ABL2: variants seen among roughly 807,000 people sequenced by gnomAD.
ABL2 encodes ABL proto-oncogene 2, non-receptor tyrosine kinase.
A neutral mutation model predicts 107.7 loss-of-function variants in ABL2; 49 were observed. The ratio of observed to expected loss-of-function variants is 0.45; its 90% CI spans 0.36 to 0.58. The LOEUF is 0.58. Among genes scored for constraint, ABL2 ranks in the 20% least tolerant of loss-of-function variants. The pLI is 0.00. For missense variants in ABL2, 1,245 were observed against 1,457.0 expected (o/e 0.85, Z 2.37); for synonymous variants, 549 against 548.6 (o/e 1.00, Z -0.01).
At chr1:179,173,234 A>T (rs922373987) in intron 1 of ABL2, among the ~76,000 whole-genome samples, 1 of 151,798 alleles carries the variant, frequency 6.6e-6, no homozygotes, top group Non-Finnish European at 1.5e-5. Flanking sequence ...AAGTTAACAG[A>T]AAAGTCTTCA....
intron 1 of ABL2, among the ~76,000 whole-genome samples, chr1:179,180,326 A>T (rs1050794087): frequency 6.6e-6 from 1 of 151,830 alleles, no homozygotes; most frequent in Non-Finnish European, 1.5e-5. Flanking sequence ...GAAATCAATA[A>T]AAGCTGGTAA....
At chr1:179,140,594 A>T (rs551173636) in intron 1 of ABL2, among the ~76,000 whole-genome samples, 1 of 152,378 alleles carries the variant, frequency 6.6e-6, no homozygotes, top group East Asian at 1.9e-4. Context: ...GTGTCTACAT[A>T]TAAGAGGCTC....
chr1:179,144,626 T>C (rs1015233987), intron 1 of ABL2, among the ~76,000 whole-genome samples: 2 of 151,966 alleles, frequency 1.3e-5, no homozygotes, highest in Non-Finnish European at 1.5e-5. Context: ...TTAGAGAAAA[T>C]TGAAAAATAA....
chr1:179,119,894 G>A (rs3753532), intron 6 of ABL2, among the ~76,000 whole-genome samples: 9,884 of 152,164 alleles, frequency 0.065, 441 homozygotes, highest in Non-Finnish European at 0.089. Context: ...TTTAAACACA[G>A]AACCTACTGA....
chr1:179,187,707 C>T (rs1485231333), intron 1 of ABL2, among the ~76,000 whole-genome samples: 1 of 152,026 alleles, frequency 6.6e-6, no homozygotes, highest in South Asian at 2.1e-4. Flanking sequence ...ACCTCCATTC[C>T]TCAAGGGGTA....
intron 1 of ABL2, among the ~76,000 whole-genome samples, chr1:179,219,382 A>G (rs1035985500): frequency 6.6e-6 from 1 of 152,206 alleles, no homozygotes; most frequent in African/African-American, 2.4e-5. Flanking sequence ...ATCCAGAGGT[A>G]AAAATAACAC....
rs139985501 is a variant in ABL2 at position 179,110,920 on chromosome 1, T to C, written c.1652-465A>G. ...ACCTGTCCCCAAATAGCGATACTAT[T>C]TTGCATGAAAGCTGTGGTTACTCTG... On this transcript the variant is annotated intron_variant, in intron 10 of 11. Transcript: ENST00000502732. 5,899 of 1,596,820 alleles carry C rather than the reference T, an allele frequency of 3.7e-3. 25 individuals are homozygous for C. Among genetic ancestry groups the C allele is most frequent in the Non-Finnish European group, 4.6e-3 (5,376 of 1,165,684 alleles).
At chr1:179,165,246 A>G (rs1233120226) in intron 1 of ABL2, among the ~76,000 whole-genome samples, 1 of 152,238 alleles carries the variant, frequency 6.6e-6, no homozygotes, top group African/African-American at 2.4e-5. Flanking sequence ...CTGTAACAGG[A>G]ACCAGGTATA....
Position 179,108,987 on chromosome 1 carries a change from TG to T in ABL2, c.2279del (p.Thr760AsnfsTer40). ...TGGGTTTACCTGCTCGTAAGCCCAG[TG>T]TCTTTTTGATTAAGCGTGGTGTAAA... ...GFFTPRLIKK[T>X]LGLRAGKPTA... On this transcript the variant is annotated frameshift_variant, in exon 12 of 12. Transcript: ENST00000502732. LOFTEE classifies it high-confidence loss of function. 6.2e-7 allele frequency: 1 copy of T among 1,614,076 alleles called. No homozygotes were observed. The highest frequency in any genetic ancestry group is 8.5e-7 in the Non-Finnish European group (1 of 1,180,024).
chr1:179,109,458 G>T lies in ABL2; in HGVS notation c.1826-17C>A. On this transcript the variant is annotated splice_polypyrimidine_tract_variant and intron_variant, in intron 11 of 11. Coordinates refer to ENST00000502732, the MANE Select transcript of ABL2 (RefSeq NM_007314.4). ...TGATGAACCCTGATGAGAAATGGCCGATCAGTAACTTAAAAGACAAGAAGT... is the reference window on the plus strand; with the variant it reads ...TGATGAACCCTGATGAGAAATGGCCTATCAGTAACTTAAAAGACAAGAAGT... 6.3e-7 allele frequency: 1 copy of T among 1,586,730 alleles called. No individual in the cohort carries two copies. The highest frequency in any genetic ancestry group is 1.7e-4 in the Middle Eastern group (1 of 5,894).
intron 1 of ABL2, chr1:179,221,129 T>TA (rs2124859595): frequency 4.1e-6 from 1 of 243,880 alleles, no homozygotes; most frequent in African/African-American, 2.3e-5. Flanking sequence ...CCATTAGAGT[T>TA]ACTTGGGGTG....
intron 1 of ABL2, chr1:179,184,167 G>A (rs1426448551): frequency 7.2e-6 from 3 of 419,046 alleles, no homozygotes; most frequent in East Asian, 5.7e-5. Context: ...GCTTAGGGAG[G>A]AGGACAAAGA....
At chr1:179,201,747 G>T in intron 1 of ABL2, 1 of 776,114 alleles carries the variant, frequency 1.3e-6, no homozygotes, top group South Asian at 1.4e-5. Flanking sequence ...CATCAACTAT[G>T]ACCTTCCCAC....
At chr1:179,158,916 TATC>T (rs1372880927) in intron 1 of ABL2, among the ~76,000 whole-genome samples, 2 of 152,188 alleles carry the variant, frequency 1.3e-5, no homozygotes, top group African/African-American at 2.4e-5. Context: ...GAGAATATAA[TATC>T]ATCTCCCATT....
chr1:179,144,217 G>T (rs1052740989), intron 1 of ABL2, among the ~76,000 whole-genome samples: 4 of 152,002 alleles, frequency 2.6e-5, no homozygotes, highest in Non-Finnish European at 5.9e-5. Flanking sequence ...CAGCACTTTG[G>T]GAGGCAGAGG....
chr1:179,228,537 G>A (rs1212414337), intron 1 of ABL2, among the ~76,000 whole-genome samples: 2 of 152,076 alleles, frequency 1.3e-5, no homozygotes, highest in African/African-American at 2.4e-5. Context: ...CCTGACTGAC[G>A]TCCTAACCAT....
chr1:179,158,854 C>T (rs1658868993), intron 1 of ABL2, among the ~76,000 whole-genome samples: 1 of 152,152 alleles, frequency 6.6e-6, no homozygotes, highest in African/African-American at 2.4e-5. Flanking sequence ...TATAATACAG[C>T]ATATTAACAG....
intron 1 of ABL2, among the ~76,000 whole-genome samples, chr1:179,182,712 T>C (rs1443174033): frequency 6.6e-6 from 1 of 152,210 alleles, no homozygotes; most frequent in Non-Finnish European, 1.5e-5. Flanking sequence ...AATTGCTAGC[T>C]TTATGGTTGT....
rs761718039 is a variant in ABL2 at position 179,108,103 on chromosome 1, G to C, written c.3164C>G (p.Pro1055Arg). 13 of 1,614,208 alleles carry C rather than the reference G, an allele frequency of 8.1e-6. No individual in the cohort carries two copies. Among genetic ancestry groups the C allele is most frequent in the Non-Finnish European group, 1.1e-5 (13 of 1,180,034 alleles). Reference sequence around the variant, plus strand: ...TGCTGTGCCATTGGCCATTTTGGCTGGCGAGATGGAAGATGTGGGCAGAGG... The same window carrying C: ...TGCTGTGCCATTGGCCATTTTGGCTCGCGAGATGGAAGATGTGGGCAGAGG... ...QVPLPTSSIS[P>R]AKMANGTAGT... Residue 1055 changes from proline to arginine, a missense_variant, in exon 12 of 12, where the codon CCA (proline) becomes CGA (arginine). Pro to Arg is a moderately radical substitution (Grantham distance 103, BLOSUM62 -2). Coordinates refer to ENST00000502732, the MANE Select transcript of ABL2 (RefSeq NM_007314.4).
Sources: gnomAD v4.1 joint callset for allele counts (sites outside exome capture counted in the v4.1 genomes callset) on GRCh38, gnomAD v4.1.1 for gene constraint, MANE v1.5 for transcripts, NCBI Gene and HGNC (gene_info 2026-07-23, HGNC 2026-07-21) for gene names.